The following NLGN2 variants were observed in gnomAD, a reference collection of about 807,000 sequenced individuals.
The protein encoded by NLGN2 is neuroligin-2.
Under a neutral mutation model 48.6 loss-of-function variants are expected in NLGN2, and 11 were observed. The observed-to-expected ratio is 0.23, with a 90% CI of 0.14 to 0.37. The LOEUF (loss-of-function observed/expected upper bound fraction) is 0.37. Ranked by LOEUF, NLGN2 falls within the 10% of genes least tolerant of loss-of-function variation. The probability of loss-of-function intolerance (pLI) is 1.00; values close to 1 mark genes in which losing one functional copy is unlikely to be tolerated. For missense variants in NLGN2, 801 were observed against 1,225.2 expected, an observed-to-expected ratio of 0.65 and a Z score of 5.17; for synonymous variants, 548 against 550.0, an observed-to-expected ratio of 1.00 and a Z score of 0.05.
chr17:7,408,711 C>T lies in NLGN2; in HGVS notation c.456C>T (p.Asp152=), dbSNP rs776313858. 1.2e-5 allele frequency: 20 copies of T among 1,612,580 alleles called. No homozygotes were observed. Among genetic ancestry groups the T allele is most frequent in the South Asian group, 9.9e-5 (9 of 91,070 alleles). The change falls in exon 1 of 7, where the codon GAC becomes GAT. Residue 152 remains aspartate (D), a splice_region_variant and synonymous_variant. Coordinates refer to ENST00000302926, the MANE Select transcript of NLGN2 (RefSeq NM_020795.4). The surrounding 1 kb of genome is among the most constrained non-coding windows in gnomAD (Gnocchi z 7.5). ...LYLNLYVPTE[D]GPLTKKRDEA... is the part of the protein sequence containing the mutation. Reference sequence around the variant, plus strand: ...TCAACCTCTACGTGCCCACCGAGGACGGTAAGGGCGCGGGCACAAAGCCGG... The same window carrying T: ...TCAACCTCTACGTGCCCACCGAGGATGGTAAGGGCGCGGGCACAAAGCCGG...
At chr17:7,407,309 G>A (rs11078675), upstream of NLGN2, among the ~76,000 whole-genome samples, 32,231 of 152,074 alleles carry the variant, frequency 0.21, 4,006 homozygotes, top group Non-Finnish European at 0.28. Flanking sequence ...CCCCTCCAGC[G>A]TCCCCTCCCT....
intron 6 of NLGN2, 48 bp from the exon 7 acceptor site, chr17:7,416,878 C>T: frequency 6.2e-7 from 1 of 1,605,598 alleles, no homozygotes; most frequent in Non-Finnish European, 8.5e-7. Flanking sequence ...CACCCTCCTT[C>T]AGAGCCTTGC....
At position 7,408,167 on chromosome 17, in the gene NLGN2, G is replaced by A. The variant is rs1462958925; in HGVS notation, c.-89G>A. ...CCCCCCGCCCCTCCTCCCTCCTGGG[G>A]CGAGGGGGGCCTCCCTCCCTCTCCC... On this transcript the variant is annotated 5_prime_UTR_variant, in exon 1 of 7. Coordinates refer to ENST00000302926, the MANE Select transcript of NLGN2 (RefSeq NM_020795.4). This position sits in a 1 kb window ranked among gnomAD's most constrained non-coding sequence, Gnocchi z 7.5. 1.5e-4 allele frequency: 98 copies of A among 660,842 alleles called. No homozygotes were observed. Among genetic ancestry groups the A allele is most frequent in the Non-Finnish European group, 2.1e-4 (93 of 447,396 alleles). 40.9% of individuals were successfully genotyped at this position (660,842 alleles called of 1,614,324 possible).
At position 7,411,028 on chromosome 17, in the gene NLGN2, G is replaced by A. The variant is rs564412443; in HGVS notation, c.458-1129G>A. Among the ~76,000 whole-genome samples the A allele has an allele frequency of 6.6e-6, 1 of 152,312 alleles. No individual in the cohort carries two copies. Among genetic ancestry groups the A allele is most frequent in the African/African-American group, 2.4e-5 (1 of 41,558 alleles). On this transcript the variant is annotated intron_variant, in intron 1 of 6. Transcript: ENST00000302926. The surrounding 1 kb of genome is among the most constrained non-coding windows in gnomAD (Gnocchi z 4.5). ...CACGTGCCAGTCCCTGTGCCATTGA[G>A]GAAAAACCAATCAGCCTCGGGGAAC...
upstream of NLGN2, among the ~76,000 whole-genome samples, chr17:7,406,364 T>G (rs1170709143): frequency 6.7e-6 from 1 of 149,950 alleles, no homozygotes; most frequent in Non-Finnish European, 1.5e-5. Context: ...CTGAGGCAGA[T>G]CTTGTTGTGG....
At chr17:7,410,130 C>G (rs1243436584) in intron 1 of NLGN2, among the ~76,000 whole-genome samples, 2 of 151,906 alleles carry the variant, frequency 1.3e-5, no homozygotes, top group Non-Finnish European at 2.9e-5. Context: ...CAAGCTTGCA[C>G]CCTACTCACC....
rs1218306316 is a variant in NLGN2, at chr17:7,414,579, G to A, written c.659-84G>A. 1.9e-6 allele frequency: 3 copies of A among 1,610,578 alleles called. No homozygotes were observed. The African/African-American group carries it at 4.0e-5, about 22-fold the overall frequency. On this transcript the variant is annotated intron_variant, in intron 3 of 6. Coordinates refer to ENST00000302926, the MANE Select transcript of NLGN2 (RefSeq NM_020795.4). ...GGGTTCCTCCACATCCAGCAGAATG[G>A]CTTCTGGGCTGGACTGAGCTGCCCA...
intron 4 of NLGN2, 54 bp downstream of exon 4, chr17:7,414,902 C>A (rs201568017): frequency 6.2e-6 from 10 of 1,613,354 alleles, no homozygotes; most frequent in African/African-American, 1.3e-5. Context: ...CAACTCCCCC[C>A]TCTCCTTCAG....
chr17:7,412,664 C>T (rs1439529036), intron 2 of NLGN2, among the ~76,000 whole-genome samples: 1 of 151,950 alleles, frequency 6.6e-6, no homozygotes, highest in Non-Finnish European at 1.5e-5. Flanking sequence ...AGAAGCCTGT[C>T]GCAATTTCCA....
At chr17:7,410,191 A>C (rs569976925) in intron 1 of NLGN2, among the ~76,000 whole-genome samples, 67 of 130,896 alleles carry the variant, frequency 5.1e-4, no homozygotes, top group Middle Eastern at 4.0e-3. Context: ...CCCCCCTGCC[A>C]AACACGGAAC....
At chr17:7,412,704 A>G (rs1435909213) in intron 2 of NLGN2, among the ~76,000 whole-genome samples, 1 of 152,184 alleles carries the variant, frequency 6.6e-6, no homozygotes. Flanking sequence ...AAACGCAAAC[A>G]TTCGAAGTGA....
chr17:7,410,578 C>T (rs1212718876), intron 1 of NLGN2, among the ~76,000 whole-genome samples: 1 of 152,122 alleles, frequency 6.6e-6, no homozygotes, highest in Non-Finnish European at 1.5e-5. Context: ...CCCCAGGGCC[C>T]CCTCATGGGT....
Position 7,414,324 on chromosome 17 carries a change from G to GCCCCCC in NLGN2, c.509-17_509-16insCCCCCC. On this transcript the variant is annotated intron_variant, in intron 2 of 6. Coordinates refer to ENST00000302926, the MANE Select transcript of NLGN2 (RefSeq NM_020795.4). ...TTGTCCCTGACCCCCTGGCCCACCT[G>GCCCCCC]CCCACCCCTCCCCACACAGATATCC... is the stretch of plus-strand genomic sequence containing the variant. 2 of 1,434,874 alleles carry GCCCCCC rather than the reference G, an allele frequency of 1.4e-6. No homozygotes were observed. Among genetic ancestry groups the GCCCCCC allele is most frequent in the Non-Finnish European group, 9.2e-7 (1 of 1,087,946 alleles). The allele number at this position is 1,434,874 out of a possible 1,614,324, so 88.9% of individuals were successfully genotyped here.
At chr17:7,407,595 T>C (rs1211766773), upstream of NLGN2, among the ~76,000 whole-genome samples, 2 of 152,178 alleles carry the variant, frequency 1.3e-5, no homozygotes, top group Non-Finnish European at 2.9e-5. Context: ...CTCTTCCTTG[T>C]CTACCTCATT....
In NLGN2 at chr17:7,411,193, C is replaced by T. The variant is rs1220896001; in HGVS notation, c.458-964C>T. Reference sequence around the variant, plus strand: ...GCTCAGGGCACTGTGTTCCTCGTTCCCTATCTGTGGACTGAACCACCCGCT... The same window carrying T: ...GCTCAGGGCACTGTGTTCCTCGTTCTCTATCTGTGGACTGAACCACCCGCT... On this transcript the variant is annotated intron_variant, in intron 1 of 6. Transcript: ENST00000302926. The surrounding 1 kb of genome is among the most constrained non-coding windows in gnomAD (Gnocchi z 4.5). Among the ~76,000 whole-genome samples the T allele has an allele frequency of 6.6e-6, 1 of 152,206 alleles. No homozygotes were observed. Among genetic ancestry groups the T allele is most frequent in the East Asian group, 1.9e-4 (1 of 5,194 alleles).
Position 7,408,187 on chromosome 17 carries a change from T to A in NLGN2, c.-69T>A. On this transcript the variant is annotated 5_prime_UTR_variant, in exon 1 of 7. Transcript: ENST00000302926. The surrounding 1 kb of genome is among the most constrained non-coding windows in gnomAD (Gnocchi z 7.5). ...CTGGGGCGAGGGGGGCCTCCCTCCCTCTCCCCCCCTTCTCTCTCTCTCCGA... is the reference window on the plus strand; with the variant it reads ...CTGGGGCGAGGGGGGCCTCCCTCCCACTCCCCCCCTTCTCTCTCTCTCCGA... 1 of 848,622 alleles carries A rather than the reference T, an allele frequency of 1.2e-6. No individual in the cohort carries two copies. 52.6% of individuals were successfully genotyped at this position (848,622 alleles called of 1,614,324 possible).
intron 4 of NLGN2, 51 bp downstream of exon 4, chr17:7,414,899 C>A (rs765822979): frequency 1.9e-6 from 3 of 1,613,358 alleles, no homozygotes; most frequent in East Asian, 4.5e-5. Context: ...TGCCAACTCC[C>A]CCCTCTCCTT....
At position 7,408,769 on chromosome 17, in the gene NLGN2, G is replaced by A; in HGVS notation, c.457+57G>A. On this transcript the variant is annotated intron_variant, in intron 1 of 6. Transcript: ENST00000302926. This position sits in a 1 kb window ranked among gnomAD's most constrained non-coding sequence, Gnocchi z 7.5. ...GTGGACACAGCCCACAAACGCACAT[G>A]CAGACCCTCAGGCACTGGCACCGCT... is the stretch of plus-strand genomic sequence containing the variant. 2 of 1,609,992 alleles carry A rather than the reference G, an allele frequency of 1.2e-6. No homozygotes were observed. Among genetic ancestry groups the A allele is most frequent in the Admixed American group, 1.7e-5 (1 of 59,928 alleles).
rs940735147 is a variant in NLGN2 at position 7,411,005 on chromosome 17, C to T, written c.458-1152C>T. Among the ~76,000 whole-genome samples, 4 of 152,222 alleles carry T rather than the reference C, an allele frequency of 2.6e-5. No individual in the cohort carries two copies. Among genetic ancestry groups the T allele is most frequent in the Non-Finnish European group, 2.9e-5 (2 of 68,038 alleles). ...TTGACCCATCCTTGGCCTTGACCCA[C>T]GTGCCAGTCCCTGTGCCATTGAGGA... is the stretch of plus-strand genomic sequence containing the variant. On this transcript the variant is annotated intron_variant, in intron 1 of 6. Coordinates refer to ENST00000302926, the MANE Select transcript of NLGN2 (RefSeq NM_020795.4). The surrounding 1 kb of genome is among the most constrained non-coding windows in gnomAD (Gnocchi z 4.5).
Sources: gnomAD v4.1 joint callset for allele counts (sites outside exome capture counted in the v4.1 genomes callset) on GRCh38, gnomAD v4.1.1 for gene constraint, Gnocchi (gnomAD v3.1) non-coding constraint, MANE v1.5 for transcripts, NCBI Gene and HGNC (gene_info 2026-07-23, HGNC 2026-07-21) for gene names.